Variants in CABLES1 observed in about 807,000 individuals in gnomAD.
The protein encoded by CABLES1 is CDK5 and ABL1 enzyme substrate 1.
In CABLES1, 36 loss-of-function variants were observed where a neutral mutation model predicts 57.8. The observed-to-expected ratio is 0.62, with a 90% CI of 0.48 to 0.82. CABLES1 has a LOEUF of 0.82. Ranked by LOEUF, CABLES1 falls within the 40% of genes least tolerant of loss-of-function variation. CABLES1 has a pLI of 0.00. For synonymous variants in CABLES1, 374 were observed against 363.0 expected (o/e 1.03, Z -0.35); for missense variants, 767 against 836.6 (o/e 0.92, Z 1.03).
chr18:23,138,578 C>T (rs978843709), intron 1 of CABLES1, among the ~76,000 whole-genome samples: 3 of 152,224 alleles, frequency 2.0e-5, no homozygotes, highest in African/African-American at 7.2e-5. Flanking sequence ...GGAGAGGCTG[C>T]AGACTTGAAA....
At chr18:23,143,590 G>A (rs757657159) in intron 1 of CABLES1, among the ~76,000 whole-genome samples, 18 of 152,230 alleles carry the variant, frequency 1.2e-4, no homozygotes, top group Non-Finnish European at 2.4e-4. Context: ...GCCTTTGGCT[G>A]CCTTTGTGCT....
chr18:23,235,965 C>T lies in CABLES1; in HGVS notation c.1256C>T (p.Thr419Ile), dbSNP rs2047605504. 6.2e-7 allele frequency: 1 copy of T among 1,614,200 alleles called. No individual in the cohort carries two copies. The change falls in exon 6 of 10, where the codon ACC (threonine) becomes ATC (isoleucine). Residue 419 changes from threonine to isoleucine, a missense_variant. Thr to Ile is a moderately conservative substitution (Grantham distance 89). Coordinates refer to ENST00000256925, the MANE Select transcript of CABLES1 (RefSeq NM_001100619.3). ...GCCCGGAGAAATACCATAGACTCCA[C>T]CTCCTCTTTCTCCCAGTTCCGTAAC... Reference protein sequence around the residue: ...FGARRNTIDSTSSFSQFRNLS... With the variant: ...FGARRNTIDSISSFSQFRNLS...
intron 1 of CABLES1, among the ~76,000 whole-genome samples, chr18:23,157,591 A>C (rs2046974034): frequency 1.3e-5 from 2 of 152,368 alleles, no homozygotes; most frequent in South Asian, 4.1e-4. Context: ...TGTGCTGGCA[A>C]GATAGGAAGA....
chr18:23,200,555 C>CGT (rs2047318307), intron 3 of CABLES1, among the ~76,000 whole-genome samples: 1 of 151,998 alleles, frequency 6.6e-6, no homozygotes, highest in Admixed American at 6.5e-5. Flanking sequence ...AGCCACCGTG[C>CGT]CCGGTCAGGA....
intron 4 of CABLES1, chr18:23,227,043 T>A (rs2047532759): frequency 6.6e-6 from 1 of 152,144 alleles, no homozygotes; most frequent in Non-Finnish European, 1.5e-5. Context: ...AAGGTGCCTC[T>A]GGGGGGTGTG....
At chr18:23,149,647 G>A (rs1482662540) in intron 1 of CABLES1, 2 of 152,184 alleles carry the variant, frequency 1.3e-5, no homozygotes, top group Non-Finnish European at 2.9e-5. Context: ...TGATTCTTTG[G>A]CGTGTTAGCC....
intron 4 of CABLES1, chr18:23,214,732 T>C (rs1401069106): frequency 2.0e-5 from 3 of 152,312 alleles, no homozygotes. Flanking sequence ...GGTATCGAAG[T>C]CAGGACAGTT....
chr18:23,194,045 A>G (rs2047264330), intron 2 of CABLES1, among the ~76,000 whole-genome samples: 1 of 152,082 alleles, frequency 6.6e-6, no homozygotes, highest in South Asian at 2.1e-4. Context: ...TTTTGAACTG[A>G]ATTTTCCGAT....
chr18:23,136,890 G>A (rs188642060), intron 1 of CABLES1, among the ~76,000 whole-genome samples: 12 of 152,354 alleles, frequency 7.9e-5, no homozygotes, highest in African/African-American at 2.4e-4. Context: ...CCAGTAGAAA[G>A]CGGCGTCCGA....
intron 1 of CABLES1, among the ~76,000 whole-genome samples, chr18:23,179,383 A>G (rs2047147998): frequency 6.6e-6 from 1 of 152,200 alleles, no homozygotes; most frequent in African/African-American, 2.4e-5. Context: ...TTCCTTTACA[A>G]GAAAAATCCC....
intron 1 of CABLES1, among the ~76,000 whole-genome samples, chr18:23,180,918 G>A (rs2047161107): frequency 6.6e-6 from 1 of 152,178 alleles, no homozygotes; most frequent in Admixed American, 6.5e-5. Context: ...ACAAAAAAGG[G>A]ATTTTCTAGT....
At chr18:23,213,576 T>C (rs1476597138) in intron 3 of CABLES1, among the ~76,000 whole-genome samples, 1 of 152,210 alleles carries the variant, frequency 6.6e-6, no homozygotes, top group Non-Finnish European at 1.5e-5. Context: ...TCTGGTGCTA[T>C]TGCTCTCACA....
In CABLES1 at chr18:23,236,079, G is replaced by C. The variant is rs1598845707; in HGVS notation, c.1342+28G>C. The C allele has an allele frequency of 7.5e-6, 12 of 1,609,864 alleles. No homozygotes were observed. The East Asian group carries it at 2.7e-4, about 36-fold the overall frequency. On this transcript the variant is annotated intron_variant, in intron 6 of 9. Coordinates refer to ENST00000256925, the MANE Select transcript of CABLES1 (RefSeq NM_001100619.3). The stretch of plus-strand genomic sequence containing the variant: ...AACCTTGGCCTGGCTGGGTCTGGTA[G>C]CTCGTGGTGGGAGGGAGGTGCCTCC...
intron 3 of CABLES1, among the ~76,000 whole-genome samples, chr18:23,207,236 T>C (rs924468540): frequency 7.9e-5 from 12 of 152,228 alleles, no homozygotes; most frequent in African/African-American, 2.9e-4. Context: ...GCGAACAGCC[T>C]GCCAGCCCGA....
At chr18:23,203,764 A>G (rs1347002272) in intron 3 of CABLES1, among the ~76,000 whole-genome samples, 1 of 152,164 alleles carries the variant, frequency 6.6e-6, no homozygotes, top group African/African-American at 2.4e-5. Flanking sequence ...GAAAAATGTC[A>G]TTGCTTTTTC....
At chr18:23,183,864 G>C (rs2047184229) in intron 1 of CABLES1, among the ~76,000 whole-genome samples, 2 of 152,234 alleles carry the variant, frequency 1.3e-5, no homozygotes, top group African/African-American at 4.8e-5. Flanking sequence ...AAAAGTGGCT[G>C]TTTAAGATTG....
chr18:23,234,746 C>T, intron 5 of CABLES1, 42 bp downstream of exon 5: 4 of 1,520,370 alleles, frequency 2.6e-6, no homozygotes, highest in Non-Finnish European at 1.8e-6. Flanking sequence ...GTGCTGAAGG[C>T]ACAAGGGTCA....
At chr18:23,176,774 A>G (rs1443595913) in intron 1 of CABLES1, among the ~76,000 whole-genome samples, 1 of 152,198 alleles carries the variant, frequency 6.6e-6, no homozygotes, top group Non-Finnish European at 1.5e-5. Context: ...CGATTTTGCT[A>G]TAGATAATTG....
At chr18:23,209,439 A>G (rs1442501588) in intron 3 of CABLES1, among the ~76,000 whole-genome samples, 3 of 152,198 alleles carry the variant, frequency 2.0e-5, no homozygotes, top group African/African-American at 4.8e-5. Flanking sequence ...TGAACCCACA[A>G]CATCAGCTTT....
Sources: allele counts gnomAD v4.1 joint callset (sites outside exome capture counted in the v4.1 genomes callset), GRCh38; gene constraint gnomAD v4.1.1; transcripts MANE v1.5; gene names NCBI Gene and HGNC (gene_info 2026-07-23, HGNC 2026-07-21).